The following ARFIP1 variants were observed in gnomAD, a reference collection of about 807,000 sequenced individuals.
ARFIP1 encodes the protein arfaptin-1.
ARFIP1 carries 24 observed loss-of-function variants against 42.5 expected under a neutral mutation model. The ratio of observed to expected loss-of-function variants is 0.57; its 90% CI spans 0.41 to 0.80. The LOEUF (loss-of-function observed/expected upper bound fraction) is 0.80, where lower values mean the gene tolerates loss of function less well. ARFIP1 is among the 30% of genes least tolerant of loss of function. The pLI, the probability that ARFIP1 is intolerant of heterozygous loss-of-function variation, is 0.00. For synonymous variants in ARFIP1, 141 were observed against 153.7 expected (o/e 0.92, Z 0.61); for missense variants, 354 against 434.0 (o/e 0.82, Z 1.64).
At chr4:152,907,572 CCACATATGAATATATCATT>C (rs1015340211) in intron 8 of ARFIP1, among the ~76,000 whole-genome samples, 7 of 152,040 alleles carry the variant, frequency 4.6e-5, no homozygotes, top group African/African-American at 7.2e-5. Context: ...TATAGTTTTG[CCACATATGAATATATCATT>C]CACATATGAA....
intron 8 of ARFIP1, among the ~76,000 whole-genome samples, chr4:152,896,274 A>G (rs1221441050): frequency 6.6e-6 from 1 of 152,212 alleles, no homozygotes; most frequent in Non-Finnish European, 1.5e-5. Context: ...TAGGGCCTAC[A>G]CAAAGGTGAA....
chr4:152,911,534 A>C lies in ARFIP1; in HGVS notation c.*1315A>C, dbSNP rs1053924744. 1 of 152,564 alleles carries C rather than the reference A, an allele frequency of 6.6e-6. No individual in the cohort carries two copies. The highest frequency in any genetic ancestry group is 1.5e-5 in the Non-Finnish European group (1 of 68,018). 9.5% of individuals were successfully genotyped at this position (152,564 alleles called of 1,614,324 possible). On this transcript the variant is annotated 3_prime_UTR_variant, in exon 9 of 9. Transcript: ENST00000353617. Reference sequence around the variant, plus strand: ...AGTAGTGTAATCCATTTTCAATGTAAAGCTCTTTTAGTTTTTGTCATAGAC... The same window carrying C: ...AGTAGTGTAATCCATTTTCAATGTACAGCTCTTTTAGTTTTTGTCATAGAC...
rs1349382213 is a variant in ARFIP1 at position 152,911,450 on chromosome 4, T to TG, written c.*1232dup. 1 of 152,310 alleles carries TG rather than the reference T, an allele frequency of 6.6e-6. No homozygotes were observed. The highest frequency in any genetic ancestry group is 1.5e-5 in the Non-Finnish European group (1 of 68,032). The allele number at this position is 152,310 out of a possible 1,614,324, so 9.4% of individuals were successfully genotyped here. Reference sequence around the variant, plus strand: ...TTGGAAAGGCCAGTACTGTTTTAGTTGCTCGGCACTGTTGGTTTTGTTTTA... The same window carrying TG: ...TTGGAAAGGCCAGTACTGTTTTAGTTGGCTCGGCACTGTTGGTTTTGTTTTA... On this transcript the variant is annotated 3_prime_UTR_variant, in exon 9 of 9. Coordinates refer to ENST00000353617, the MANE Select transcript of ARFIP1 (RefSeq NM_001025595.3).
chr4:152,794,494 A>G lies in ARFIP1; in HGVS notation c.-10+14268A>G, dbSNP rs75563263. 2.6e-3 allele frequency among the ~76,000 whole-genome samples: 394 copies of G among 152,248 alleles called. 3 individuals carry two copies. Among genetic ancestry groups the G allele is most frequent in the Non-Finnish European group, 4.5e-3 (306 of 67,996 alleles). On this transcript the variant is annotated intron_variant, in intron 1 of 8. Coordinates refer to ENST00000353617, the MANE Select transcript of ARFIP1 (RefSeq NM_001025595.3). Reference sequence around the variant, plus strand: ...TTGAGGGGTTTATGATATATGTCTTACTACTTATGATTACTTGATCACTTG... The same window carrying G: ...TTGAGGGGTTTATGATATATGTCTTGCTACTTATGATTACTTGATCACTTG...
intron 8 of ARFIP1, among the ~76,000 whole-genome samples, chr4:152,888,725 TAGGGCTGCAGTTAGCA>T (rs1736476961): frequency 6.6e-6 from 1 of 152,270 alleles, no homozygotes; most frequent in East Asian, 1.9e-4. Context: ...AGGTCCAGCT[TAGGGCTGCAGTTAGCA>T]TAACCTAGGA....
At chr4:152,879,038 G>T (rs1735601521) in intron 5 of ARFIP1, among the ~76,000 whole-genome samples, 1 of 16,564 alleles carries the variant, frequency 6.0e-5, no homozygotes, top group Non-Finnish European at 1.1e-4. Flanking sequence ...TTCAGTTCAA[G>T]TTTCTCTTGT....
At chr4:152,841,456 C>G (rs552758893) in intron 2 of ARFIP1, among the ~76,000 whole-genome samples, 29 of 152,138 alleles carry the variant, frequency 1.9e-4, no homozygotes, top group African/African-American at 6.7e-4. Context: ...TTTGTTTTTG[C>G]TTTTTAATGT....
intron 8 of ARFIP1, among the ~76,000 whole-genome samples, chr4:152,908,969 GT>G (rs1187879926): frequency 1.4e-5 from 2 of 146,978 alleles, no homozygotes; most frequent in African/African-American, 5.0e-5. Flanking sequence ...TTTCTATCCT[GT>G]TTTTTCATTT....
intron 8 of ARFIP1, among the ~76,000 whole-genome samples, chr4:152,895,264 C>T (rs1332603247): frequency 6.6e-6 from 1 of 152,160 alleles, no homozygotes; most frequent in Non-Finnish European, 1.5e-5. Flanking sequence ...CTGAAGGCTT[C>T]AGGAGATATT....
At chr4:152,810,125 A>G (rs1409973973) in intron 1 of ARFIP1, 1 of 152,258 alleles carries the variant, frequency 6.6e-6, no homozygotes, top group African/African-American at 2.4e-5. Context: ...AAAAAGTAAC[A>G]TCATAATTGG....
At chr4:152,881,258 T>C (rs1735826610) in intron 6 of ARFIP1, 74 bp downstream of exon 6, 5 of 1,193,292 alleles carry the variant, frequency 4.2e-6, no homozygotes, top group Non-Finnish European at 6.0e-6. Flanking sequence ...TAATTTGTTA[T>C]TGTGATTTGC....
intron 3 of ARFIP1, among the ~76,000 whole-genome samples, chr4:152,866,916 G>A (rs1199874749): frequency 1.3e-5 from 2 of 151,652 alleles, no homozygotes; most frequent in East Asian, 3.9e-4. Flanking sequence ...GGGCAGAGAC[G>A]CTCCTCACTT....
intron 1 of ARFIP1, among the ~76,000 whole-genome samples, chr4:152,781,237 T>TTC (rs1730471752): frequency 6.9e-6 from 1 of 143,934 alleles, no homozygotes; most frequent in Non-Finnish European, 1.5e-5. Flanking sequence ...CTTTTTTCTT[T>TTC]TTTTTTTTTT....
At chr4:152,804,136 AAT>A (rs1169605150) in intron 1 of ARFIP1, among the ~76,000 whole-genome samples, 1 of 121,866 alleles carries the variant, frequency 8.2e-6, no homozygotes, top group Non-Finnish European at 1.6e-5. Context: ...TATTATATAT[AAT>A]ATAACATGTA....
intron 1 of ARFIP1, among the ~76,000 whole-genome samples, chr4:152,789,194 G>T (rs561964347): frequency 6.8e-6 from 1 of 146,282 alleles, no homozygotes; most frequent in African/African-American, 2.5e-5. Context: ...GGGTTCAAGC[G>T]ATTTTCCTGT....
chr4:152,784,752 A>G (rs1040903785), intron 1 of ARFIP1, among the ~76,000 whole-genome samples: 1 of 152,262 alleles, frequency 6.6e-6, no homozygotes, highest in Non-Finnish European at 1.5e-5. Flanking sequence ...TGGGGATCTG[A>G]AGGTAGTTGC....
At chr4:152,850,787 T>G (rs1354796089) in intron 2 of ARFIP1, 1 of 152,218 alleles carries the variant, frequency 6.6e-6, no homozygotes, top group Admixed American at 6.5e-5. Flanking sequence ...TGACCCTGCC[T>G]TCTAACAATA....
chr4:152,881,362 AACTTT>A (rs1735834285), intron 6 of ARFIP1, among the ~76,000 whole-genome samples, 178 bp downstream of exon 6: 3 of 152,218 alleles, frequency 2.0e-5, no homozygotes, highest in Admixed American at 1.3e-4. Flanking sequence ...GACTTCTGTT[AACTTT>A]ACTTTTTATG....
intron 5 of ARFIP1, among the ~76,000 whole-genome samples, chr4:152,877,708 G>C (rs1247335231): frequency 1.3e-5 from 2 of 152,114 alleles, no homozygotes; most frequent in African/African-American, 4.8e-5. Context: ...TCCCAGAATT[G>C]CCATGTGTTG....
Sources: allele counts gnomAD v4.1 joint callset (sites outside exome capture counted in the v4.1 genomes callset), GRCh38; gene constraint gnomAD v4.1.1; transcripts MANE v1.5; gene names NCBI Gene and HGNC (gene_info 2026-07-23, HGNC 2026-07-21).